MYH15: variants seen among roughly 807,000 people sequenced by gnomAD.
MYH15 encodes the protein myosin heavy chain 15.
In MYH15, 227 loss-of-function variants were observed where a neutral mutation model predicts 240.5. That is an observed-to-expected ratio of 0.94 (90% confidence interval 0.85 to 1.05). The LOEUF (loss-of-function observed/expected upper bound fraction) is 1.05. MYH15 is among the 50% of genes least tolerant of loss of function. The pLI, the probability that MYH15 is intolerant of heterozygous loss-of-function variation, is 0.00. For synonymous variants in MYH15, 785 were observed against 796.7 expected (o/e 0.99, Z 0.25); for missense variants, 2,217 against 2,247.5 (o/e 0.99, Z 0.27).
rs1349700381 is a variant in MYH15, at chr3:108,492,570, A to AAT, written c.799_800dup (p.Gln269SerfsTer87). The AAT allele has an allele frequency of 6.2e-7, 1 of 1,613,622 alleles. No homozygotes were observed. The highest frequency in any genetic ancestry group is 1.1e-5 in the South Asian group (1 of 91,034). ...AGTTCCTCTCTCCAGCCTGCTGGAA[A>AAT]ATCACCCTGGACTTTTCAAGCAAAT... On this transcript the variant is annotated frameshift_variant, in exon 9 of 41. Transcript: ENST00000693548. LOFTEE classifies it high-confidence loss of function.
intron 35 of MYH15, among the ~76,000 whole-genome samples, chr3:108,396,452 G>A (rs1170500941): frequency 6.6e-6 from 1 of 152,160 alleles, no homozygotes; most frequent in Non-Finnish European, 1.5e-5. Context: ...GTTCATAAGA[G>A]CATTTGCACT....
chr3:108,429,339 ATTGTAAGAAATAG>A (rs2082756435), intron 26 of MYH15, among the ~76,000 whole-genome samples: 1 of 152,232 alleles, frequency 6.6e-6, no homozygotes. Flanking sequence ...AAGCAATTTA[ATTGTAAGAAATAG>A]CATCAATTTA....
At chr3:108,511,983 T>C (rs544973743), upstream of MYH15, among the ~76,000 whole-genome samples, 44 of 152,142 alleles carry the variant, frequency 2.9e-4, no homozygotes, top group Non-Finnish European at 5.6e-4. Flanking sequence ...TTGTGGGAAA[T>C]CACTTAGTCC....
At chr3:108,437,093 T>G (rs1241363497) in intron 25 of MYH15, among the ~76,000 whole-genome samples, 1 of 152,114 alleles carries the variant, frequency 6.6e-6, no homozygotes, top group Non-Finnish European at 1.5e-5. Flanking sequence ...TAGTAAATTA[T>G]TTCACCAAAT....
At chr3:108,384,599 G>T in intron 39 of MYH15, 88 bp downstream of exon 39, 1 of 1,222,154 alleles carries the variant, frequency 8.2e-7, no homozygotes, top group Non-Finnish European at 1.2e-6. Context: ...TCTCTGACAA[G>T]CTGCTTGCTG....
At chr3:108,499,918 T>C (rs2083423209) in intron 4 of MYH15, among the ~76,000 whole-genome samples, 200 bp downstream of exon 4, 1 of 152,218 alleles carries the variant, frequency 6.6e-6, no homozygotes, top group Non-Finnish European at 1.5e-5. Flanking sequence ...CTCACTTTGA[T>C]GTACAAACTA....
intron 11 of MYH15, among the ~76,000 whole-genome samples, chr3:108,482,617 T>G (rs2083275777): frequency 6.6e-6 from 1 of 152,244 alleles, no homozygotes; most frequent in South Asian, 2.1e-4. Context: ...ATAAGATGTT[T>G]ACAAGATCTT....
At chr3:108,453,515 G>A (rs1013286625) in intron 21 of MYH15, among the ~76,000 whole-genome samples, 1 of 152,162 alleles carries the variant, frequency 6.6e-6, no homozygotes, top group Admixed American at 6.5e-5. Flanking sequence ...GAATGTACAA[G>A]CATGGTGATA....
chr3:108,451,182 C>A, intron 21 of MYH15, among the ~76,000 whole-genome samples: 1 of 152,206 alleles, frequency 6.6e-6, no homozygotes, highest in East Asian at 1.9e-4. Flanking sequence ...GAGTTTGAGA[C>A]CATCCTGCTC....
chr3:108,529,198 T>G, intron 1 of MYH15: 2 of 1,486,368 alleles, frequency 1.3e-6, no homozygotes, highest in Admixed American at 1.8e-5. Flanking sequence ...AATTCTAGGC[T>G]GCTACTGTCA....
At chr3:108,446,469 C>T (rs1424062882) in intron 21 of MYH15, among the ~76,000 whole-genome samples, 1 of 152,144 alleles carries the variant, frequency 6.6e-6, no homozygotes, top group Non-Finnish European at 1.5e-5. Context: ...CTGTTGAAGC[C>T]AGCCTATAAA....
chr3:108,410,219 C>T (rs565028177), intron 31 of MYH15, among the ~76,000 whole-genome samples: 30 of 151,930 alleles, frequency 2.0e-4, no homozygotes, highest in African/African-American at 2.9e-4. Flanking sequence ...TTCATTAAAT[C>T]GGGAAATATA....
At chr3:108,407,335 T>C (rs2082554413) in intron 32 of MYH15, among the ~76,000 whole-genome samples, 1 of 152,198 alleles carries the variant, frequency 6.6e-6, no homozygotes, top group Non-Finnish European at 1.5e-5. Flanking sequence ...CTTTCAAAAA[T>C]CTTTTTTCTT....
Position 108,398,568 on chromosome 3 carries a change from G to A in MYH15, c.5133+69C>T, listed in dbSNP as rs114997609. 944 of 1,507,630 alleles carry A rather than the reference G, an allele frequency of 6.3e-4. 5 individuals are homozygous for A. The African/African-American group carries it at 0.011, about 18-fold the overall frequency. The allele number at this position is 1,507,630 out of a possible 1,614,324, so 93.4% of individuals were successfully genotyped here. On this transcript the variant is annotated intron_variant, in intron 35 of 40. Transcript: ENST00000693548. ...GGGCGACTGTGCATGGTCCAAGGCCGCCCCAAGTGTGGGAACCACTGCCTT... is the reference window on the plus strand; with the variant it reads ...GGGCGACTGTGCATGGTCCAAGGCCACCCCAAGTGTGGGAACCACTGCCTT...
chr3:108,529,229 G>C, intron 1 of MYH15: 1 of 1,592,122 alleles, frequency 6.3e-7, no homozygotes, highest in Non-Finnish European at 8.6e-7. Context: ...CATTCTGTTA[G>C]ACAAATTAAA....
At position 108,521,126 on chromosome 3, in the gene MYH15, C is replaced by T. The variant is rs79773505; in HGVS notation, c.-58+8137G>A. The stretch of plus-strand genomic sequence containing the variant: ...CATTTGGTTCTTTAATTTCTTCCCC[C>T]CTCCCAAAAGTGTAATTTTTAAAAG... On this transcript the variant is annotated intron_variant, in intron 1 of 41. Coordinates refer to the MYH15 transcript ENST00000273353. Among the ~76,000 whole-genome samples the T allele has an allele frequency of 4.3e-3, 659 of 151,920 alleles. 7 individuals carry two copies. Among genetic ancestry groups the T allele is most frequent in the African/African-American group, 0.015 (629 of 41,460 alleles).
Position 108,383,742 on chromosome 3 carries a change from A to AT in MYH15, c.5632-14_5632-13insA, listed in dbSNP as rs750670497. On this transcript the variant is annotated splice_polypyrimidine_tract_variant and intron_variant, in intron 39 of 40. Coordinates refer to ENST00000693548, the MANE Select transcript of MYH15 (RefSeq NM_014981.3). ...TGGCTTGTGTTTCCTATAAAAATAA[A>AT]AAAAAAAAAAAAGAAATCTCCATGC... 4.0e-6 allele frequency: 6 copies of AT among 1,510,170 alleles called. No homozygotes were observed. The highest frequency in any genetic ancestry group is 2.3e-5 in the East Asian group (1 of 43,816). The allele number at this position is 1,510,170 out of a possible 1,614,324, so 93.5% of individuals were successfully genotyped here.
chr3:108,537,604 G>C, the MYH15 span, among the ~76,000 whole-genome samples: 4 of 152,120 alleles, frequency 2.6e-5, no homozygotes, highest in East Asian at 1.9e-4. Context: ...TCTTAGAAGA[G>C]AGCAGCCCTC....
At position 108,455,857 on chromosome 3, in the gene MYH15, T is replaced by TACCTG; in HGVS notation, c.2140_2141insCAGGT (p.Tyr714SerfsTer6). 6.2e-7 allele frequency: 1 copy of TACCTG among 1,610,496 alleles called. No homozygotes were observed. Among genetic ancestry groups the TACCTG allele is most frequent in the Non-Finnish European group, 8.5e-7 (1 of 1,177,032 alleles). ...AAAGGTCCTTGGATTCAGAATGCAG[T>TACCTG]ACCTAATTTAAAATAAAGAAAAAAT... On this transcript the variant is annotated frameshift_variant and splice_region_variant, in exon 20 of 41. Transcript: ENST00000693548. LOFTEE classifies it high-confidence loss of function.
Sources: gnomAD v4.1 joint callset for allele counts (sites outside exome capture counted in the v4.1 genomes callset) on GRCh38, gnomAD v4.1.1 for gene constraint, MANE v1.5 for transcripts, NCBI Gene and HGNC (gene_info 2026-07-23, HGNC 2026-07-21) for gene names.